GPR158: variants seen among roughly 807,000 people sequenced by gnomAD.
The protein encoded by GPR158 is G protein-coupled receptor 158.
GPR158 carries 30 observed loss-of-function variants against 78.2 expected under a neutral mutation model. The ratio of observed to expected loss-of-function variants is 0.38; its 90% CI spans 0.29 to 0.52. The LOEUF (loss-of-function observed/expected upper bound fraction) is 0.52. Ranked by LOEUF, GPR158 falls within the 20% of genes least tolerant of loss-of-function variation. The pLI, the probability that GPR158 is intolerant of heterozygous loss-of-function variation, is 0.83. For missense variants in GPR158, 1,463 were observed against 1,523.5 expected (o/e 0.96, Z 0.66); for synonymous variants, 581 against 591.1 (o/e 0.98, Z 0.25).
chr10:25,524,328 T>G (rs141971360), intron 5 of GPR158, among the ~76,000 whole-genome samples: 3 of 152,126 alleles, frequency 2.0e-5, no homozygotes, highest in African/African-American at 7.2e-5. Flanking sequence ...GCCCAGAATA[T>G]CTAAAATAAT....
At chr10:25,384,200 A>G (rs145267942) in intron 2 of GPR158, among the ~76,000 whole-genome samples, 13 of 152,286 alleles carry the variant, frequency 8.5e-5, no homozygotes, top group South Asian at 8.3e-4. Context: ...AGTTAAGTCT[A>G]TATTTTAGGA....
intron 5 of GPR158, among the ~76,000 whole-genome samples, chr10:25,531,265 G>A (rs553850158): frequency 6.6e-6 from 1 of 151,976 alleles, no homozygotes; most frequent in Non-Finnish European, 1.5e-5. Context: ...TGTTGTCCTG[G>A]GCAAGTTACT....
At chr10:25,521,289 G>A (rs1359901065) in intron 5 of GPR158, among the ~76,000 whole-genome samples, 4 of 152,268 alleles carry the variant, frequency 2.6e-5, no homozygotes, top group Admixed American at 6.5e-5. Flanking sequence ...AGATGAACCC[G>A]GTACCTCAGA....
At chr10:25,421,753 G>A (rs1834754726) in intron 4 of GPR158, among the ~76,000 whole-genome samples, 1 of 151,720 alleles carries the variant, frequency 6.6e-6, no homozygotes, top group Admixed American at 6.6e-5. Context: ...CCCTTTAATG[G>A]AATATGAATA....
intron 2 of GPR158, among the ~76,000 whole-genome samples, chr10:25,255,932 G>A (rs1463384240): frequency 2.0e-5 from 3 of 152,184 alleles, no homozygotes; most frequent in African/African-American, 7.2e-5. Flanking sequence ...GATAAATGGT[G>A]TGTGCAAGAG....
At chr10:25,495,236 G>A (rs139655662) in intron 5 of GPR158, among the ~76,000 whole-genome samples, 1,701 of 148,442 alleles carry the variant, frequency 0.011, 40 homozygotes, top group African/African-American at 0.04. Flanking sequence ...GTAAAAATTC[G>A]TGGATAACTC....
At chr10:25,482,658 A>G (rs555338095) in intron 5 of GPR158, among the ~76,000 whole-genome samples, 4 of 152,188 alleles carry the variant, frequency 2.6e-5, no homozygotes, top group East Asian at 1.9e-4. Flanking sequence ...CTCATAGCTT[A>G]ATATACTCTG....
At chr10:25,183,634 C>A (rs1449104787) in intron 1 of GPR158, among the ~76,000 whole-genome samples, 2 of 152,130 alleles carry the variant, frequency 1.3e-5, no homozygotes, top group Admixed American at 6.6e-5. Flanking sequence ...CTGTTATAAT[C>A]TTCCTCATTT....
intron 5 of GPR158, among the ~76,000 whole-genome samples, chr10:25,541,386 A>T (rs1189736592): frequency 6.6e-6 from 1 of 151,536 alleles, no homozygotes; most frequent in Non-Finnish European, 1.5e-5. Context: ...TTTTCTTTCC[A>T]TGTTCTTGAT....
chr10:25,234,796 C>T (rs960642417), intron 2 of GPR158, among the ~76,000 whole-genome samples: 1 of 152,168 alleles, frequency 6.6e-6, no homozygotes, highest in Non-Finnish European at 1.5e-5. Context: ...AAATTGTACA[C>T]TGATCATTTG....
At chr10:25,277,828 A>C (rs1331636615) in intron 2 of GPR158, among the ~76,000 whole-genome samples, 14 of 152,222 alleles carry the variant, frequency 9.2e-5, no homozygotes, top group Admixed American at 9.2e-4. Context: ...CTCTGGTTTT[A>C]GGGAAGAGAC....
At chr10:25,523,180 A>G (rs1648925830) in intron 5 of GPR158, among the ~76,000 whole-genome samples, 1 of 152,192 alleles carries the variant, frequency 6.6e-6, no homozygotes, top group Admixed American at 6.5e-5. Flanking sequence ...ATGGGTCAAC[A>G]CAGGCATGGG....
intron 8 of GPR158, among the ~76,000 whole-genome samples, chr10:25,593,229 G>A (rs532119415): frequency 6.6e-6 from 1 of 152,064 alleles, no homozygotes; most frequent in South Asian, 2.1e-4. Flanking sequence ...CAGCATGGAG[G>A]TGAAAATGAG....
At position 25,540,118 on chromosome 10, in the gene GPR158, A is replaced by G. The variant is rs1355886641; in HGVS notation, c.1405-10858A>G. Among the ~76,000 whole-genome samples the G allele has an allele frequency of 2.0e-5, 3 of 152,184 alleles. No homozygotes were observed. In the East Asian group the frequency reaches 5.8e-4, roughly 29 times the overall value. ...TTTACAAGAAAGAAACAACCCCATC[A>G]ATAAGTGGGCGAAGGATATGAACAG... On this transcript the variant is annotated intron_variant, in intron 5 of 10. Transcript: ENST00000376351.
chr10:25,269,149 GACA>G (rs1854082952), intron 2 of GPR158, among the ~76,000 whole-genome samples: 1 of 152,136 alleles, frequency 6.6e-6, no homozygotes, highest in African/African-American at 2.4e-5. Flanking sequence ...AAGAATTTCT[GACA>G]ATAAATCGTA....
chr10:25,323,737 C>G (rs893466617), intron 2 of GPR158, among the ~76,000 whole-genome samples: 4 of 151,036 alleles, frequency 2.6e-5, no homozygotes, highest in Non-Finnish European at 4.4e-5. Flanking sequence ...ATGCTGGTCT[C>G]AAACTCTTGG....
At chr10:25,586,850 A>G (rs768385983) in intron 7 of GPR158, among the ~76,000 whole-genome samples, 14 of 152,208 alleles carry the variant, frequency 9.2e-5, no homozygotes, top group Non-Finnish European at 1.9e-4. Flanking sequence ...GTGTGTTAAC[A>G]CAGATGAAAC....
chr10:25,432,364 A>T (rs1444292326), intron 4 of GPR158, among the ~76,000 whole-genome samples: 1 of 152,224 alleles, frequency 6.6e-6, no homozygotes, highest in Non-Finnish European at 1.5e-5. Context: ...AAACTGATAG[A>T]ATGTTTGGGT....
chr10:25,513,148 G>A (rs1248696233), intron 5 of GPR158, among the ~76,000 whole-genome samples: 1 of 150,814 alleles, frequency 6.6e-6, no homozygotes, highest in African/African-American at 2.4e-5. Context: ...GAATTCAGCT[G>A]TGAATTCATC....
Sources: allele counts gnomAD v4.1 joint callset (sites outside exome capture counted in the v4.1 genomes callset), GRCh38; gene constraint gnomAD v4.1.1; transcripts MANE v1.5; gene names NCBI Gene and HGNC (gene_info 2026-07-23, HGNC 2026-07-21).